CBLB: variants seen among roughly 807,000 people sequenced by gnomAD.
CBLB encodes the protein E3 ubiquitin-protein ligase CBL-B.
Under a neutral mutation model 104.9 loss-of-function variants are expected in CBLB, and 31 were observed. The observed-to-expected ratio is 0.30, with a 90% confidence interval of 0.22 to 0.40. CBLB has a LOEUF of 0.40. Ranked by LOEUF, CBLB falls within the 10% of genes least tolerant of loss-of-function variation. CBLB has a pLI of 1.00. For missense variants in CBLB, 1,062 were observed against 1,214.6 expected (o/e 0.87, Z 1.87); for synonymous variants, 440 against 422.6 (o/e 1.04, Z -0.51).
chr3:105,672,794 G>A (rs1358716794), intron 17 of CBLB: 1 of 151,850 alleles, frequency 6.6e-6, no homozygotes, highest in Non-Finnish European at 1.5e-5. Flanking sequence ...AAAAACTAAG[G>A]GAAGACTGGG....
chr3:105,773,300 A>G (rs968606571), intron 4 of CBLB, among the ~76,000 whole-genome samples: 9 of 152,176 alleles, frequency 5.9e-5, no homozygotes, highest in Non-Finnish European at 1.0e-4. Flanking sequence ...AAAACCAAAT[A>G]TCGTATGTTC....
chr3:105,749,255 A>G (rs1214262130), intron 5 of CBLB, among the ~76,000 whole-genome samples: 1 of 152,080 alleles, frequency 6.6e-6, no homozygotes, highest in Non-Finnish European at 1.5e-5. Context: ...ACGGGCTAAC[A>G]AGAGTTCTTC....
At chr3:105,698,765 G>A (rs933755369) in intron 12 of CBLB, among the ~76,000 whole-genome samples, 2 of 151,968 alleles carry the variant, frequency 1.3e-5, no homozygotes, top group Non-Finnish European at 2.9e-5. Context: ...GTGAAAATAC[G>A]TTAACATCTA....
chr3:105,813,471 AATC>A (rs755628060), intron 3 of CBLB, among the ~76,000 whole-genome samples: 4 of 152,236 alleles, frequency 2.6e-5, no homozygotes, highest in Non-Finnish European at 4.4e-5. Flanking sequence ...GTTATTAATA[AATC>A]ATCATTTCTC....
chr3:105,756,962 G>C (rs556611598), intron 4 of CBLB, among the ~76,000 whole-genome samples: 2 of 152,082 alleles, frequency 1.3e-5, no homozygotes, highest in African/African-American at 2.4e-5. Flanking sequence ...TACAAGATCT[G>C]GTTGTTTAAG....
chr3:105,796,113 C>A (rs1374303984), intron 3 of CBLB, among the ~76,000 whole-genome samples: 1 of 152,046 alleles, frequency 6.6e-6, no homozygotes, highest in Non-Finnish European at 1.5e-5. Context: ...CATATGCAAT[C>A]AAAAAAGAGC....
At chr3:105,696,810 T>C (rs780255102) in intron 12 of CBLB, among the ~76,000 whole-genome samples, 1 of 151,936 alleles carries the variant, frequency 6.6e-6, no homozygotes, top group Admixed American at 6.6e-5. Flanking sequence ...TAACTTTCCT[T>C]GCCATGGTCT....
rs1438688977 is a variant in CBLB at position 105,685,307 on chromosome 3, C to T, written c.2201+13G>A. ...TGCAGATGTAAGTGGCAAAAATCTGCCCATACTCTTACCGAACAGGAGGTT... is the reference window on the plus strand; with the variant it reads ...TGCAGATGTAAGTGGCAAAAATCTGTCCATACTCTTACCGAACAGGAGGTT... On this transcript the variant is annotated intron_variant, in intron 14 of 18. Transcript: ENST00000394030. 5.0e-6 allele frequency: 8 copies of T among 1,612,232 alleles called. No homozygotes were observed. In the South Asian group the frequency reaches 6.6e-5, roughly 13 times the overall value.
chr3:105,666,883 T>C (rs1040227732), intron 18 of CBLB, among the ~76,000 whole-genome samples: 11 of 152,190 alleles, frequency 7.2e-5, no homozygotes, highest in Non-Finnish European at 1.5e-4. Context: ...ATAGCTAAAC[T>C]GTGGGAAAAC....
chr3:105,864,671 A>G (rs1195385707), intron 2 of CBLB, among the ~76,000 whole-genome samples: 1 of 152,172 alleles, frequency 6.6e-6, no homozygotes, highest in African/African-American at 2.4e-5. Context: ...AAGGAACACA[A>G]CTGAGCAATT....
intron 3 of CBLB, among the ~76,000 whole-genome samples, chr3:105,838,007 A>C (rs1269383346): frequency 6.6e-6 from 1 of 152,072 alleles, no homozygotes; most frequent in Non-Finnish European, 1.5e-5. Context: ...GTGTTTGCCA[A>C]GTATAAAGCA....
intron 3 of CBLB, among the ~76,000 whole-genome samples, chr3:105,780,662 T>TTC (rs2080113927): frequency 8.8e-6 from 1 of 113,800 alleles, no homozygotes; most frequent in Non-Finnish European, 1.8e-5. Context: ...TGTTTTTTGT[T>TTC]TTTTTTTTTT....
chr3:105,819,938 T>C (rs2153055463), intron 3 of CBLB, among the ~76,000 whole-genome samples: 1 of 152,314 alleles, frequency 6.6e-6, no homozygotes, highest in Non-Finnish European at 1.5e-5. Flanking sequence ...GGCATGGGGA[T>C]GGTTTCAGGA....
At chr3:105,853,363 A>C in intron 3 of CBLB, 51 bp downstream of exon 3, 1 of 1,598,510 alleles carries the variant, frequency 6.3e-7, no homozygotes, top group Non-Finnish European at 8.6e-7. Context: ...TATTAAGTAA[A>C]AAGCAACATA....
intron 4 of CBLB, among the ~76,000 whole-genome samples, 200 bp downstream of exon 4, chr3:105,776,196 T>C (rs1342998035): frequency 6.6e-6 from 1 of 152,200 alleles, no homozygotes; most frequent in Non-Finnish European, 1.5e-5. Context: ...TAATATTTAC[T>C]TAGTGACTAA....
chr3:105,848,154 G>T (rs2090515233), intron 3 of CBLB, among the ~76,000 whole-genome samples: 1 of 151,924 alleles, frequency 6.6e-6, no homozygotes, highest in South Asian at 2.1e-4. Flanking sequence ...CTGTTTGCAG[G>T]AAAAGAGAAA....
chr3:105,869,146 C>A, upstream of CBLB: 1 of 691,102 alleles, frequency 1.4e-6, no homozygotes, highest in Non-Finnish European at 2.1e-6. Context: ...ACGGGAGGCG[C>A]CCGTCCTCCT....
intron 3 of CBLB, among the ~76,000 whole-genome samples, chr3:105,834,680 G>T (rs1243327140): frequency 1.4e-5 from 2 of 141,398 alleles, no homozygotes; most frequent in Admixed American, 1.4e-4. Context: ...AATCAAGTAA[G>T]CAAGCAAGCA....
In CBLB at chr3:105,665,412, AATAAATATATAT is replaced by A. The variant is rs1429042138; in HGVS notation, c.2689+4809_2689+4820del. Among the ~76,000 whole-genome samples the A allele has an allele frequency of 4.2e-3, 312 of 74,780 alleles. 1 individual carries two copies. The highest frequency in any genetic ancestry group is 6.0e-3 in the Non-Finnish European group (244 of 40,814). The allele number at this position is 74,780 out of a possible 152,430, so 49.1% of individuals were successfully genotyped here. On this transcript the variant is annotated intron_variant, in intron 18 of 18. Coordinates refer to ENST00000394030, the MANE Select transcript of CBLB (RefSeq NM_170662.5). ...AAAAAAATAAATAAATAAATAAATA[AATAAATATATAT>A]ATATATATATATATATATACACACA...
Sources: allele counts gnomAD v4.1 joint callset (sites outside exome capture counted in the v4.1 genomes callset), GRCh38; gene constraint gnomAD v4.1.1; transcripts MANE v1.5; gene names NCBI Gene and HGNC (gene_info 2026-07-23, HGNC 2026-07-21).